Variants in PDZD2 observed in about 807,000 individuals in gnomAD.
PDZD2 encodes the protein PDZ domain containing 2, also known as PDZ domain-containing protein 2.
In PDZD2, 90 loss-of-function variants were observed where a neutral mutation model predicts 220.7. The ratio of observed to expected loss-of-function variants is 0.41; its 90% CI spans 0.34 to 0.49. The LOEUF is 0.49. PDZD2 is among the 20% of genes least tolerant of loss of function. PDZD2 has a pLI of 0.28. For synonymous variants in PDZD2, 1,375 were observed against 1,450.5 expected, an observed-to-expected ratio of 0.95 and a Z score of 1.18; for missense variants, 3,174 against 3,608.5, an observed-to-expected ratio of 0.88 and a Z score of 3.08.
chr5:31,759,851 C>T (rs1281410770), intron 1 of PDZD2, among the ~76,000 whole-genome samples: 1 of 152,000 alleles, frequency 6.6e-6, no homozygotes, highest in Non-Finnish European at 1.5e-5. Context: ...GGCCTCAGAA[C>T]TCTTAATAGG....
chr5:31,924,144 A>G (rs953097477), intron 2 of PDZD2, among the ~76,000 whole-genome samples: 1 of 152,186 alleles, frequency 6.6e-6, no homozygotes, highest in Admixed American at 6.5e-5. Flanking sequence ...CTCTCCCCAC[A>G]GTCTTAGTGG....
chr5:31,951,619 T>G (rs1024073467), intron 2 of PDZD2, among the ~76,000 whole-genome samples: 1 of 152,262 alleles, frequency 6.6e-6, no homozygotes, highest in African/African-American at 2.4e-5. Flanking sequence ...TCCATTCCTT[T>G]TAATTGCTGA....
intron 6 of PDZD2, among the ~76,000 whole-genome samples, chr5:32,018,644 C>T (rs948306796): frequency 2.6e-5 from 4 of 152,378 alleles, no homozygotes; most frequent in Admixed American, 2.0e-4. Flanking sequence ...CATGCCAATC[C>T]ACAGCTCCCT....
In PDZD2 at chr5:32,080,984, C is replaced by T. The variant is rs2112436630; in HGVS notation, c.3682+3378C>T. On this transcript the variant is annotated intron_variant, in intron 19 of 24. Coordinates refer to ENST00000438447, the MANE Select transcript of PDZD2 (RefSeq NM_178140.4). ...AGCTAATGCATGCAGGGCTTAATAC[C>T]TAGGTCACGGGTTGATAGGTGCAGC... Among the ~76,000 whole-genome samples, 3 of 152,046 alleles carry T rather than the reference C, an allele frequency of 2.0e-5. No homozygotes were observed. In the East Asian group the frequency reaches 5.8e-4, roughly 29 times the overall value.
intron 2 of PDZD2, among the ~76,000 whole-genome samples, chr5:31,852,473 A>C (rs533858505): frequency 1.3e-5 from 2 of 151,830 alleles, no homozygotes; most frequent in African/African-American, 4.8e-5. Context: ...TTTAATAGAG[A>C]TGGGGTTTCA....
rs370475962 is a variant in PDZD2 at position 32,090,182 on chromosome 5, G to A, written c.6734G>A (p.Arg2245His). ...REGHPPHSLG[R>H]SRDSQVPVTS... Reference sequence around the variant, plus strand: ...GGTCACCCCCCACACAGCCTGGGTCGCTCTCGGGACAGCCAGGTCCCTGTG... The same window carrying A: ...GGTCACCCCCCACACAGCCTGGGTCACTCTCGGGACAGCCAGGTCCCTGTG... Residue 2245 changes from arginine to histidine, a missense_variant, in exon 20 of 25, where the codon CGC becomes CAC. Physicochemically the swap from Arg to His is conservative, Grantham distance 29. Coordinates refer to ENST00000438447, the MANE Select transcript of PDZD2 (RefSeq NM_178140.4). The surrounding 1 kb of genome is among the most constrained non-coding windows in gnomAD (Gnocchi z 4.3). 29 of 1,613,956 alleles carry A rather than the reference G, an allele frequency of 1.8e-5. No individual in the cohort carries two copies. Among genetic ancestry groups the A allele is most frequent in the African/African-American group, 5.3e-5 (4 of 74,912 alleles).
intron 2 of PDZD2, among the ~76,000 whole-genome samples, chr5:31,828,644 C>T (rs72757903): frequency 3.2e-4 from 49 of 152,242 alleles, no homozygotes; most frequent in Non-Finnish European, 5.4e-4. Context: ...TACAGGCATA[C>T]GCCACTACAC....
intron 2 of PDZD2, among the ~76,000 whole-genome samples, chr5:31,879,108 C>T (rs1739612386): frequency 6.6e-6 from 1 of 151,394 alleles, no homozygotes; most frequent in South Asian, 2.1e-4. Context: ...GTTTCTCGGG[C>T]CGGGCACGGT....
intron 4 of PDZD2, among the ~76,000 whole-genome samples, chr5:31,999,289 TTTTG>T (rs1554021740): frequency 1.3e-5 from 2 of 149,528 alleles, no homozygotes; most frequent in Non-Finnish European, 3.0e-5. Flanking sequence ...TGTTTTTTTT[TTTTG>T]TTTGTTTGTT....
intron 2 of PDZD2, among the ~76,000 whole-genome samples, chr5:31,852,849 G>A (rs570423544): frequency 2.6e-5 from 4 of 152,130 alleles, no homozygotes; most frequent in Admixed American, 6.5e-5. Context: ...CACCCACCTC[G>A]ACCTCCCAAA....
At chr5:31,709,853 G>A (rs555412620) in intron 1 of PDZD2, among the ~76,000 whole-genome samples, 1 of 152,338 alleles carries the variant, frequency 6.6e-6, no homozygotes, top group South Asian at 2.1e-4. Flanking sequence ...CTACTCGGGA[G>A]GCTGAGGCAG....
chr5:31,746,922 T>G (rs1452235122), intron 1 of PDZD2, among the ~76,000 whole-genome samples: 1 of 152,236 alleles, frequency 6.6e-6, no homozygotes, highest in African/African-American at 2.4e-5. Context: ...ACGCCTGTAA[T>G]CTCAGCACTT....
intron 2 of PDZD2, among the ~76,000 whole-genome samples, chr5:31,942,780 A>G (rs112884317): frequency 8.0e-4 from 122 of 152,346 alleles, no homozygotes; most frequent in African/African-American, 2.8e-3. Flanking sequence ...TGAGAGTTCA[A>G]ACCAGTGTCA....
intron 12 of PDZD2, 28 bp downstream of exon 12, chr5:32,058,131 C>G: frequency 4.4e-6 from 5 of 1,127,484 alleles, no homozygotes; most frequent in Non-Finnish European, 6.8e-6. Context: ...TTACCTTTGT[C>G]TCATTTCTTG....
Position 31,874,492 on chromosome 5 carries a change from G to A in PDZD2, c.476+74768G>A, listed in dbSNP as rs188984699. Among the ~76,000 whole-genome samples, 143 of 152,226 alleles carry A rather than the reference G, an allele frequency of 9.4e-4. 2 individuals carry two copies. In the East Asian group the frequency reaches 0.025, roughly 27 times the overall value. On this transcript the variant is annotated intron_variant, in intron 2 of 24. Transcript: ENST00000438447. ...AAGAGAAAATGCAGCCAGGTGTGGTGGCTCACACCTGTAATCCCAGCACTT... is the reference window on the plus strand; with the variant it reads ...AAGAGAAAATGCAGCCAGGTGTGGTAGCTCACACCTGTAATCCCAGCACTT...
intron 8 of PDZD2, among the ~76,000 whole-genome samples, chr5:32,049,083 A>G (rs1738259265): frequency 6.6e-6 from 1 of 152,088 alleles, no homozygotes; most frequent in Non-Finnish European, 1.5e-5. Flanking sequence ...GTGCCTGTAC[A>G]TGCATCCATG....
At chr5:31,761,604 T>C (rs779915905) in intron 1 of PDZD2, among the ~76,000 whole-genome samples, 2 of 152,090 alleles carry the variant, frequency 1.3e-5, no homozygotes, top group Admixed American at 6.6e-5. Flanking sequence ...CTCATGCCTA[T>C]AACCCCAGCA....
At chr5:31,805,475 C>A (rs1247259840) in intron 2 of PDZD2, among the ~76,000 whole-genome samples, 3 of 152,146 alleles carry the variant, frequency 2.0e-5, no homozygotes, top group African/African-American at 7.2e-5. Context: ...TGCCTCCCAG[C>A]AAATGGTTCC....
In PDZD2 at chr5:32,040,325, C is replaced by T. The variant is rs1581350216; in HGVS notation, c.1519+2983C>T. Among the ~76,000 whole-genome samples the T allele has an allele frequency of 4.0e-5, 6 of 150,352 alleles. 1 individual carries two copies. Among genetic ancestry groups the T allele is most frequent in the Admixed American group, 4.0e-4 (6 of 15,148 alleles). On this transcript the variant is annotated intron_variant, in intron 7 of 24. Transcript: ENST00000438447. ...AGTGGGGGGCGCCTCTGCCCAGCTG[C>T]CCTGTCTAGGAAGTGAGGAGCCCCT...
Sources: gnomAD v4.1 joint callset for allele counts (sites outside exome capture counted in the v4.1 genomes callset) on GRCh38, gnomAD v4.1.1 for gene constraint, Gnocchi (gnomAD v3.1) non-coding constraint, MANE v1.5 for transcripts, NCBI Gene and HGNC (gene_info 2026-07-23, HGNC 2026-07-21) for gene names.